The following ADGRB1 variants were observed in gnomAD, a reference collection of about 807,000 sequenced individuals.
ADGRB1 encodes the protein brain-specific angiogenesis inhibitor 1.
ADGRB1 carries 36 observed loss-of-function variants against 175.7 expected under a neutral mutation model. The observed-to-expected ratio is 0.20, with a 90% CI of 0.16 to 0.27. ADGRB1 has a LOEUF of 0.27. Ranked by LOEUF, ADGRB1 falls within the 10% of genes least tolerant of loss-of-function variation. The pLI, the probability that ADGRB1 is intolerant of heterozygous loss-of-function variation, is 1.00. For synonymous variants in ADGRB1, 1,054 were observed against 979.4 expected, an observed-to-expected ratio of 1.08 and a Z score of -1.42; for missense variants, 1,731 against 2,255.3, an observed-to-expected ratio of 0.77 and a Z score of 4.71.
chr8:142,451,182 G>A (rs146148312), intron 1 of ADGRB1, among the ~76,000 whole-genome samples: 1 of 152,132 alleles, frequency 6.6e-6, no homozygotes, highest in Non-Finnish European at 1.5e-5. Flanking sequence ...GAATCACCGC[G>A]AAGCGATGCG....
intron 1 of ADGRB1, among the ~76,000 whole-genome samples, chr8:142,460,925 T>C (rs1587247560): frequency 6.7e-6 from 1 of 150,308 alleles, no homozygotes; most frequent in Non-Finnish European, 1.5e-5. Flanking sequence ...GCGGTTCTGA[T>C]AGGGGCACTG....
At chr8:142,451,957 G>A (rs1839376392) in intron 1 of ADGRB1, among the ~76,000 whole-genome samples, 1 of 152,160 alleles carries the variant, frequency 6.6e-6, no homozygotes, top group Non-Finnish European at 1.5e-5. Flanking sequence ...TACCCAGCAA[G>A]GTCAAGCAGG....
At position 142,504,484 on chromosome 8, in the gene ADGRB1, G is replaced by T. The variant is rs1189612918; in HGVS notation, c.2676-6448G>T. Among the ~76,000 whole-genome samples, 1 of 152,314 alleles carries T rather than the reference G, an allele frequency of 6.6e-6. No individual in the cohort carries two copies. The highest frequency in any genetic ancestry group is 1.9e-4 in the East Asian group (1 of 5,176). On this transcript the variant is annotated intron_variant, in intron 17 of 30. Coordinates refer to ENST00000517894, the MANE Select transcript of ADGRB1 (RefSeq NM_001702.3). The surrounding 1 kb of genome is among the most constrained non-coding windows in gnomAD (Gnocchi z 5.6). ...GGCCCCTCTGGGATGGTCGCGGGGGGCTCTGGCTGCTGGGTGAGGCAGAAC... is the reference window on the plus strand; with the variant it reads ...GGCCCCTCTGGGATGGTCGCGGGGGTCTCTGGCTGCTGGGTGAGGCAGAAC...
chr8:142,543,699 G>C lies in ADGRB1; in HGVS notation c.4548G>C (p.Pro1516=). Residue 1516 remains proline (P), a synonymous_variant, in exon 30 of 31, where the codon CCG becomes CCC. Transcript: ENST00000517894. This position sits in a 1 kb window ranked among gnomAD's most constrained non-coding sequence, Gnocchi z 4.4. ...AAEKDKEVLG[P]DSKPEKQQTP... is the part of the protein sequence containing the mutation. ...AGAAGGACAAGGAGGTGCTGGGGCC[G>C]GACAGCAAGGTCTGGAGGGCAGGGA... is the stretch of plus-strand genomic sequence containing the variant. 1.3e-6 allele frequency: 2 copies of C among 1,555,404 alleles called. No individual in the cohort carries two copies. Among genetic ancestry groups the C allele is most frequent in the Non-Finnish European group, 1.7e-6 (2 of 1,149,516 alleles).
chr8:142,477,142 G>A lies in ADGRB1; in HGVS notation c.1086G>A (p.Pro362=), dbSNP rs763885959. The A allele has an allele frequency of 7.6e-6, 12 of 1,588,584 alleles. No individual in the cohort carries two copies. The highest frequency in any genetic ancestry group is 1.7e-5 in the Admixed American group (1 of 59,250). Residue 362 remains proline, a synonymous_variant, in exon 5 of 31, where the codon CCG becomes CCA. Transcript: ENST00000517894. ...TGDPAAEEWS[P]WSVCSSTCGE... is the part of the protein sequence containing the mutation. ...ACCCAGCAGCCGAGGAGTGGTCCCC[G>A]TGGAGCGTGTGCTCCAGCACCTGCG...
intron 7 of ADGRB1, 104 bp downstream of exon 7, chr8:142,478,464 T>TG: frequency 7.6e-7 from 1 of 1,312,798 alleles, no homozygotes; most frequent in African/African-American, 1.5e-5. Flanking sequence ...GGCCCCGGCA[T>TG]GTGACTGAGG....
chr8:142,491,758 C>T (rs58977072), intron 17 of ADGRB1, among the ~76,000 whole-genome samples: 81,234 of 152,072 alleles, frequency 0.53, 22,664 homozygotes, highest in Middle Eastern at 0.62. Context: ...TTTCCCGGGC[C>T]GAGTGTGTGC....
intron 1 of ADGRB1, among the ~76,000 whole-genome samples, chr8:142,453,639 C>T (rs1839491519): frequency 6.6e-6 from 1 of 152,108 alleles, no homozygotes; most frequent in African/African-American, 2.4e-5. Context: ...CGTGGGTGCC[C>T]ATGTGAACAC....
intron 27 of ADGRB1, chr8:142,539,817 A>C (rs980223342): frequency 1.2e-5 from 3 of 257,278 alleles, no homozygotes; most frequent in Non-Finnish European, 2.2e-5. Context: ...GCCCTCTAGC[A>C]CCTGTGTTCT....
At chr8:142,453,682 G>A (rs1384008879) in intron 1 of ADGRB1, among the ~76,000 whole-genome samples, 1 of 152,160 alleles carries the variant, frequency 6.6e-6, no homozygotes, top group Non-Finnish European at 1.5e-5. Flanking sequence ...GGGGCAGGGG[G>A]CAAGGGGGAG....
At chr8:142,526,509 A>ACC in intron 23 of ADGRB1, 33 bp from the exon 24 acceptor site, 5 of 463,086 alleles carry the variant, frequency 1.1e-5, no homozygotes, top group South Asian at 3.3e-5. Flanking sequence ...GGCGGCCCCC[A>ACC]CCCCCACACC....
intron 16 of ADGRB1, among the ~76,000 whole-genome samples, chr8:142,489,850 C>G (rs921890681): frequency 6.6e-6 from 1 of 152,202 alleles, no homozygotes; most frequent in African/African-American, 2.4e-5. Flanking sequence ...TGCAGGGGCC[C>G]TGGGATTTCA....
At chr8:142,470,333 G>A (rs569865952) in intron 2 of ADGRB1, among the ~76,000 whole-genome samples, 2 of 152,304 alleles carry the variant, frequency 1.3e-5, no homozygotes, top group Admixed American at 1.3e-4. Flanking sequence ...TATTGCACGA[G>A]CGACATGGAA....
intron 2 of ADGRB1, among the ~76,000 whole-genome samples, chr8:142,469,412 TGTGA>T (rs532384188): frequency 7.6e-4 from 113 of 148,176 alleles, no homozygotes; most frequent in South Asian, 1.5e-3. Context: ...CAGATGTGAA[TGTGA>T]GTGTGTGCAC....
chr8:142,481,760 G>A, intron 11 of ADGRB1, 49 bp downstream of exon 11: 1 of 1,449,744 alleles, frequency 6.9e-7, no homozygotes, highest in Non-Finnish European at 9.2e-7. Context: ...GAAGGTGTCT[G>A]GGGAGCCCTC....
intron 1 of ADGRB1, 90 bp from the exon 2 acceptor site, chr8:142,463,890 A>C: frequency 3.8e-6 from 1 of 263,612 alleles, no homozygotes; most frequent in Non-Finnish European, 7.1e-6. Context: ...GTAGCAGGCT[A>C]AGCTGCCTCC....
chr8:142,532,134 C>G (rs1844656127), intron 24 of ADGRB1, among the ~76,000 whole-genome samples: 1 of 152,160 alleles, frequency 6.6e-6, no homozygotes, highest in African/African-American at 2.4e-5. Flanking sequence ...CCCCAGCTCC[C>G]CCTGTGTAGG....
chr8:142,528,880 G>A (rs916329043), intron 24 of ADGRB1, among the ~76,000 whole-genome samples: 14 of 152,224 alleles, frequency 9.2e-5, no homozygotes, highest in Non-Finnish European at 1.8e-4. Context: ...GCGTGGGGCC[G>A]GGCCTGGGCA....
chr8:142,526,664 A>AGT, intron 24 of ADGRB1, 37 bp downstream of exon 24: 1 of 1,579,258 alleles, frequency 6.3e-7, no homozygotes, highest in Non-Finnish European at 8.6e-7. Context: ...GCCCACCCGG[A>AGT]GTGCAAGACC....
Sources: gnomAD v4.1 joint callset for allele counts (sites outside exome capture counted in the v4.1 genomes callset) on GRCh38, gnomAD v4.1.1 for gene constraint, Gnocchi (gnomAD v3.1) non-coding constraint, MANE v1.5 for transcripts, NCBI Gene and HGNC (gene_info 2026-07-23, HGNC 2026-07-21) for gene names.